The following CSMD1 variants were observed in gnomAD, a reference collection of about 807,000 sequenced individuals.
CSMD1 encodes CUB and Sushi multiple domains 1.
CSMD1 carries 213 observed loss-of-function variants against 417.5 expected under a neutral mutation model. The ratio of observed to expected loss-of-function variants is 0.51; its 90% CI spans 0.46 to 0.57. The LOEUF (loss-of-function observed/expected upper bound fraction) is 0.57. CSMD1 is among the 20% of genes least tolerant of loss of function. The probability of loss-of-function intolerance (pLI) is 0.00; values close to 1 mark genes in which losing one functional copy is unlikely to be tolerated. For synonymous variants in CSMD1, 2,862 were observed against 1,736.8 expected, an observed-to-expected ratio of 1.65 and a Z score of -16.11; for missense variants, 6,923 against 4,529.7, an observed-to-expected ratio of 1.53 and a Z score of -15.17.
chr8:4,469,868 CTTT>C (rs368325145), intron 2 of CSMD1, among the ~76,000 whole-genome samples: 9 of 144,828 alleles, frequency 6.2e-5, no homozygotes, highest in Non-Finnish European at 1.4e-4. Context: ...TTTGGTTTTC[CTTT>C]TTTTTTTTTT....
intron 11 of CSMD1, among the ~76,000 whole-genome samples, chr8:3,492,762 G>C (rs1021868194): frequency 3.9e-5 from 6 of 152,156 alleles, no homozygotes; most frequent in Non-Finnish European, 8.8e-5. Context: ...TTCACAGCAA[G>C]GCTGTCACCG....
intron 3 of CSMD1, among the ~76,000 whole-genome samples, chr8:4,343,793 G>C (rs1005077610): frequency 6.6e-6 from 1 of 152,024 alleles, no homozygotes; most frequent in African/African-American, 2.4e-5. Flanking sequence ...TTCCGTATTA[G>C]AAATATGTGG....
chr8:3,746,683 C>T (rs1389187629), intron 6 of CSMD1, among the ~76,000 whole-genome samples: 3 of 151,876 alleles, frequency 2.0e-5, no homozygotes, highest in Non-Finnish European at 4.4e-5. Context: ...AGAAATTATC[C>T]CCAATATCTA....
chr8:4,198,941 T>A (rs1461740152), intron 3 of CSMD1, among the ~76,000 whole-genome samples: 1 of 136,850 alleles, frequency 7.3e-6, no homozygotes, highest in Non-Finnish European at 1.5e-5. Context: ...TTTCCGTGTG[T>A]GTATTTATCT....
At chr8:3,587,343 C>G (rs1262908733) in intron 8 of CSMD1, among the ~76,000 whole-genome samples, 2 of 152,186 alleles carry the variant, frequency 1.3e-5, no homozygotes, top group Non-Finnish European at 2.9e-5. Context: ...ATTTAACTCT[C>G]TGACAAGCGC....
chr8:3,946,556 T>A (rs1209971168), intron 5 of CSMD1, among the ~76,000 whole-genome samples: 2 of 152,166 alleles, frequency 1.3e-5, no homozygotes, highest in African/African-American at 4.8e-5. Context: ...TGTCAATTCC[T>A]AAAAACAAAC....
intron 1 of CSMD1, among the ~76,000 whole-genome samples, chr8:4,739,151 C>T (rs951019705): frequency 2.0e-5 from 3 of 152,186 alleles, no homozygotes; most frequent in African/African-American, 7.2e-5. Flanking sequence ...CATACACACA[C>T]TTTACTTCCT....
At chr8:3,766,107 G>A (rs1172877152) in intron 5 of CSMD1, among the ~76,000 whole-genome samples, 2 of 152,102 alleles carry the variant, frequency 1.3e-5, no homozygotes, top group East Asian at 1.9e-4. Context: ...CAAGTAATTC[G>A]ATAAGACAGT....
chr8:4,055,642 CAG>C (rs1798652759), intron 3 of CSMD1, among the ~76,000 whole-genome samples: 1 of 151,848 alleles, frequency 6.6e-6, no homozygotes, highest in South Asian at 2.1e-4. Context: ...AATATTAAAA[CAG>C]AAACTGTTTA....
chr8:3,817,674 A>C (rs1294294982), intron 5 of CSMD1, among the ~76,000 whole-genome samples: 1 of 152,124 alleles, frequency 6.6e-6, no homozygotes, highest in Non-Finnish European at 1.5e-5. Flanking sequence ...GCTCTTCTTT[A>C]ATGGAACTTT....
chr8:3,038,964 A>G (rs1391575924), intron 50 of CSMD1, among the ~76,000 whole-genome samples: 12 of 152,182 alleles, frequency 7.9e-5, no homozygotes, highest in Non-Finnish European at 1.5e-5. Flanking sequence ...GATTAGGTAA[A>G]CTGATAAGAA....
chr8:4,387,660 A>T (rs888717401), intron 3 of CSMD1, among the ~76,000 whole-genome samples: 3 of 151,564 alleles, frequency 2.0e-5, no homozygotes, highest in Non-Finnish European at 2.9e-5. Flanking sequence ...AAAAATGAAA[A>T]ACTACATCAA....
chr8:3,441,827 A>G (rs1003011804), intron 12 of CSMD1, among the ~76,000 whole-genome samples: 2 of 123,766 alleles, frequency 1.6e-5, no homozygotes, highest in South Asian at 5.8e-4. Context: ...GTTTTAGACT[A>G]TGCTCCTTAT....
chr8:4,230,906 T>G (rs1048544965), intron 3 of CSMD1, among the ~76,000 whole-genome samples: 1 of 152,160 alleles, frequency 6.6e-6, no homozygotes, highest in Non-Finnish European at 1.5e-5. Context: ...TTCAATATTA[T>G]ATGCTGTGAT....
At chr8:4,392,189 T>G (rs954162687) in intron 3 of CSMD1, among the ~76,000 whole-genome samples, 4 of 152,152 alleles carry the variant, frequency 2.6e-5, no homozygotes, top group Admixed American at 6.5e-5. Context: ...TGCTAAGTCT[T>G]GAGGTTGCTT....
chr8:4,241,593 A>T (rs1178436520), intron 3 of CSMD1, among the ~76,000 whole-genome samples: 1 of 152,242 alleles, frequency 6.6e-6, no homozygotes, highest in Non-Finnish European at 1.5e-5. Context: ...AAATACCCGG[A>T]ACACAAGTTT....
At chr8:3,392,532 G>A (rs942421630) in intron 17 of CSMD1, among the ~76,000 whole-genome samples, 5 of 151,846 alleles carry the variant, frequency 3.3e-5, no homozygotes, top group Non-Finnish European at 4.4e-5. Context: ...TTAACCCTCC[G>A]TGACCTCTGC....
chr8:4,486,673 G>C (rs1801432614), intron 2 of CSMD1, among the ~76,000 whole-genome samples: 1 of 151,978 alleles, frequency 6.6e-6, no homozygotes, highest in African/African-American at 2.4e-5. Flanking sequence ...ACTGAAGTTT[G>C]GCCACTTTGA....
chr8:4,628,506 TAAAAC>T (rs1408062284), intron 2 of CSMD1, among the ~76,000 whole-genome samples: 2 of 150,290 alleles, frequency 1.3e-5, no homozygotes, highest in African/African-American at 4.9e-5. Context: ...TACACACACA[TAAAAC>T]TATACAGAGA....
Sources: allele counts gnomAD v4.1 joint callset (sites outside exome capture counted in the v4.1 genomes callset), GRCh38; gene constraint gnomAD v4.1.1; transcripts MANE v1.5; gene names NCBI Gene and HGNC (gene_info 2026-07-23, HGNC 2026-07-21).